ZFPM2: variants seen among roughly 807,000 people sequenced by gnomAD.
ZFPM2 encodes the protein zinc finger protein, FOG family member 2, also known as zinc finger protein ZFPM2.
ZFPM2 carries 20 observed loss-of-function variants against 98.6 expected under a neutral mutation model. That is an observed-to-expected ratio of 0.20 (90% CI 0.14 to 0.29). ZFPM2 has a LOEUF of 0.29. ZFPM2 is among the 10% of genes least tolerant of loss of function. The pLI is 1.00. For synonymous variants in ZFPM2, 518 were observed against 502.7 expected, an observed-to-expected ratio of 1.03 and a Z score of -0.41; for missense variants, 1,310 against 1,388.6, an observed-to-expected ratio of 0.94 and a Z score of 0.90.
chr8:105,794,513 TGCTCAGG>T (rs1813729191), intron 6 of ZFPM2, among the ~76,000 whole-genome samples: 1 of 152,238 alleles, frequency 6.6e-6, no homozygotes, highest in Admixed American at 6.5e-5. Context: ...CCAGTTAGGC[TGCTCAGG>T]GGTCAGGGGT....
intron 5 of ZFPM2, among the ~76,000 whole-genome samples, chr8:105,705,590 T>C (rs1157091750): frequency 6.6e-6 from 1 of 152,094 alleles, no homozygotes; most frequent in Non-Finnish European, 1.5e-5. Flanking sequence ...AATATCAGCT[T>C]TAATGGATCA....
chr8:105,746,350 T>A (rs1325531400), intron 5 of ZFPM2, among the ~76,000 whole-genome samples: 1 of 152,068 alleles, frequency 6.6e-6, no homozygotes, highest in Non-Finnish European at 1.5e-5. Context: ...GATATTTGAA[T>A]AAAATATGCC....
At chr8:105,536,303 CAAG>C (rs1256070954) in intron 3 of ZFPM2, among the ~76,000 whole-genome samples, 3 of 151,818 alleles carry the variant, frequency 2.0e-5, no homozygotes, top group African/African-American at 7.3e-5. Context: ...TCTTTCATCT[CAAG>C]GTATTATTAT....
Position 105,590,316 on chromosome 8 carries a change from C to T in ZFPM2, c.420+28835C>T, listed in dbSNP as rs181409441. On this transcript the variant is annotated intron_variant, in intron 4 of 7. Coordinates refer to ENST00000407775, the MANE Select transcript of ZFPM2 (RefSeq NM_012082.4). ...TGTTACAACCATATAAAACTATTGT[C>T]GTTACTTCTGTTGCAGATAAGAGAC... Among the ~76,000 whole-genome samples the T allele has an allele frequency of 2.6e-5, 4 of 152,250 alleles. No homozygotes were observed. In the East Asian group the frequency reaches 7.7e-4, roughly 29 times the overall value.
At chr8:105,612,491 A>G (rs1816327420) in intron 4 of ZFPM2, among the ~76,000 whole-genome samples, 1 of 152,196 alleles carries the variant, frequency 6.6e-6, no homozygotes, top group African/African-American at 2.4e-5. Flanking sequence ...ACATTTTCAA[A>G]TGAACTTTTA....
At chr8:105,509,913 A>C (rs1401488630) in intron 3 of ZFPM2, among the ~76,000 whole-genome samples, 3 of 152,246 alleles carry the variant, frequency 2.0e-5, no homozygotes, top group African/African-American at 7.2e-5. Context: ...CATATTTAAA[A>C]TAAAGTAGGC....
chr8:105,633,893 A>G (rs937177737), intron 4 of ZFPM2, among the ~76,000 whole-genome samples: 7 of 152,134 alleles, frequency 4.6e-5, no homozygotes, highest in African/African-American at 1.2e-4. Context: ...GTAAAGTACA[A>G]TGTGTCTAAA....
intron 5 of ZFPM2, among the ~76,000 whole-genome samples, chr8:105,763,976 C>T (rs765426861): frequency 6.6e-6 from 1 of 151,678 alleles, no homozygotes; most frequent in Non-Finnish European, 1.5e-5. Flanking sequence ...TCTGCTCTTC[C>T]CAGAAACTGA....
At chr8:105,428,615 A>T (rs1484212468) in intron 2 of ZFPM2, among the ~76,000 whole-genome samples, 1 of 152,206 alleles carries the variant, frequency 6.6e-6, no homozygotes, top group Non-Finnish European at 1.5e-5. Context: ...AATGTTTACA[A>T]ATCCATCAAA....
chr8:105,439,192 A>G (rs1315126426), intron 2 of ZFPM2, among the ~76,000 whole-genome samples: 6 of 152,220 alleles, frequency 3.9e-5, no homozygotes, highest in Non-Finnish European at 8.8e-5. Flanking sequence ...ATACCTGAAT[A>G]TAAAATAACT....
chr8:105,320,256 T>TTGTGTGTGTGTG lies in ZFPM2; in HGVS notation c.40+1307_40+1318dup, dbSNP rs71305141. Among the ~76,000 whole-genome samples, 362 of 142,342 alleles carry TTGTGTGTGTGTG rather than the reference T, an allele frequency of 2.5e-3. 2 individuals carry two copies. The highest frequency in any genetic ancestry group is 7.1e-3 in the Middle Eastern group (2 of 280). The allele number at this position is 142,342 out of a possible 152,430, so 93.4% of individuals were successfully genotyped here. On this transcript the variant is annotated intron_variant, in intron 1 of 7. Coordinates refer to ENST00000407775, the MANE Select transcript of ZFPM2 (RefSeq NM_012082.4). The stretch of plus-strand genomic sequence containing the variant: ...TATCAACAGTTAAGTATTCAGATCT[T>TTGTGTGTGTGTG]TGTGTGTGTGTGTGTGTGTGTGTGT...
chr8:105,546,259 G>A (rs769178374), intron 3 of ZFPM2, among the ~76,000 whole-genome samples: 24 of 152,064 alleles, frequency 1.6e-4, no homozygotes, highest in African/African-American at 4.6e-4. Context: ...TTTTATTTTC[G>A]TCTTTATTTA....
chr8:105,466,579 G>C (rs1812799992), intron 3 of ZFPM2, among the ~76,000 whole-genome samples: 1 of 151,898 alleles, frequency 6.6e-6, no homozygotes, highest in Admixed American at 6.6e-5. Context: ...TATTCCCATA[G>C]GTCCTTCTAT....
chr8:105,412,751 G>T (rs1283550613), intron 1 of ZFPM2, among the ~76,000 whole-genome samples: 2 of 151,604 alleles, frequency 1.3e-5, no homozygotes, highest in Admixed American at 6.6e-5. Flanking sequence ...GTATGGGTTT[G>T]CACTGTCCAA....
intron 5 of ZFPM2, among the ~76,000 whole-genome samples, chr8:105,715,546 A>G: frequency 6.6e-6 from 1 of 152,168 alleles, no homozygotes; most frequent in South Asian, 2.1e-4. Context: ...CATATAATTT[A>G]TATCAGTAAA....
At chr8:105,449,257 C>T (rs1812439127) in intron 3 of ZFPM2, among the ~76,000 whole-genome samples, 1 of 151,930 alleles carries the variant, frequency 6.6e-6, no homozygotes, top group Admixed American at 6.6e-5. Flanking sequence ...CTTCCAGGAG[C>T]TCTAATAAAG....
At chr8:105,580,849 C>A (rs1202163692) in intron 4 of ZFPM2, among the ~76,000 whole-genome samples, 2 of 134,418 alleles carry the variant, frequency 1.5e-5, no homozygotes, top group Non-Finnish European at 3.2e-5. Context: ...ATATATAAAT[C>A]ACTGAGAGAA....
intron 1 of ZFPM2, among the ~76,000 whole-genome samples, chr8:105,351,652 A>G (rs1418092411): frequency 6.6e-6 from 1 of 152,154 alleles, no homozygotes; most frequent in Non-Finnish European, 1.5e-5. Flanking sequence ...TCCTCCTTTT[A>G]ATGACTAAAT....
intron 6 of ZFPM2, chr8:105,795,902 G>A (rs544544339): frequency 9.1e-6 from 3 of 328,744 alleles, no homozygotes; most frequent in African/African-American, 6.6e-5. Context: ...TAGTAGGTAA[G>A]CAAAAAATTG....
Sources: allele counts gnomAD v4.1 joint callset (sites outside exome capture counted in the v4.1 genomes callset), GRCh38; gene constraint gnomAD v4.1.1; transcripts MANE v1.5; gene names NCBI Gene and HGNC (gene_info 2026-07-23, HGNC 2026-07-21).